ATP1A3: variants seen among roughly 807,000 people sequenced by gnomAD.
ATP1A3 encodes ATPase Na+/K+ transporting subunit alpha 3, also known as sodium/potassium-transporting ATPase subunit alpha-3.
Under a neutral mutation model 108.8 loss-of-function variants are expected in ATP1A3, and 12 were observed. The ratio of observed to expected loss-of-function variants is 0.11; its 90% CI spans 0.07 to 0.18. The LOEUF is 0.18. ATP1A3 is among the 10% of genes least tolerant of loss of function. The pLI is 1.00. For synonymous variants in ATP1A3, 539 were observed against 564.5 expected (o/e 0.95, Z 0.64); for missense variants, 498 against 1,387.7 (o/e 0.36, Z 10.19).
chr19:41,993,975 C>A, intron 1 of ATP1A3, 96 bp downstream of exon 1: 1 of 1,570,974 alleles, frequency 6.4e-7, no homozygotes, highest in Non-Finnish European at 8.6e-7. Flanking sequence ...GGCCCCGGAG[C>A]GCAGGGGTCC....
At chr19:41,986,746 T>C in intron 4 of ATP1A3, 2 of 165,790 alleles carry the variant, frequency 1.2e-5, no homozygotes, top group Non-Finnish European at 2.6e-5. Flanking sequence ...GGCATTTTTT[T>C]TTTTTTTTTT....
Position 41,969,431 on chromosome 19 carries a change from T to C in ATP1A3, c.2688+4A>G, listed in dbSNP as rs1052154343. On this transcript the variant is annotated splice_donor_region_variant and intron_variant, in intron 19 of 22. Transcript: ENST00000648268. Reference sequence around the variant, plus strand: ...GCAGAGACACAGCACCCTGCCCTACTCACCCACTGCTGCCCGTAACTGTCT... The same window carrying C: ...GCAGAGACACAGCACCCTGCCCTACCCACCCACTGCTGCCCGTAACTGTCT... The C allele has an allele frequency of 1.5e-5, 25 of 1,614,042 alleles. No individual in the cohort carries two copies. The highest frequency in any genetic ancestry group is 2.1e-5 in the Non-Finnish European group (25 of 1,179,976).
In ATP1A3 at chr19:41,966,640, G is replaced by C. The variant is rs1555858562; in HGVS notation, c.*297C>G. ...CCAGAACCAGAGATGGCATCAGCCG[G>C]GGGGCTGAAGGGGAGTAAAAAAGAG... On this transcript the variant is annotated 3_prime_UTR_variant, in exon 23 of 23. Coordinates refer to ENST00000648268, the MANE Select transcript of ATP1A3 (RefSeq NM_152296.5). The C allele has an allele frequency of 6.7e-7, 1 of 1,502,956 alleles. No individual in the cohort carries two copies. The highest frequency in any genetic ancestry group is 1.2e-5 in the South Asian group (1 of 82,748). 93.1% of individuals were successfully genotyped at this position (1,502,956 alleles called of 1,614,324 possible). A position where few individuals can be genotyped will look rare whatever the true frequency, so the allele number is the denominator to read the frequency against.
chr19:41,992,185 G>A (rs1259331476), intron 1 of ATP1A3, among the ~76,000 whole-genome samples: 1 of 152,112 alleles, frequency 6.6e-6, no homozygotes, highest in Non-Finnish European at 1.5e-5. Flanking sequence ...TCTGAGGGAG[G>A]AGGGACCGGG....
At position 41,985,436 on chromosome 19, in the gene ATP1A3, G is replaced by T. The variant is rs369214321; in HGVS notation, c.607-13C>A. On this transcript the variant is annotated splice_polypyrimidine_tract_variant and intron_variant, in intron 6 of 22. Transcript: ENST00000648268. The surrounding 1 kb of genome is among the most constrained non-coding windows in gnomAD (Gnocchi z 8.2). ...AGGAGTTGTCCACCTGGGGGTAGGT[G>T]CAGCAGAGAGAGGGTTCAGTCCAGG... 19 of 1,609,368 alleles carry T rather than the reference G, an allele frequency of 1.2e-5. No individual in the cohort carries two copies. The highest frequency in any genetic ancestry group is 1.4e-5 in the Non-Finnish European group (17 of 1,175,756).
chr19:41,968,734 A>T lies in ATP1A3; in HGVS notation c.2819+51T>A, dbSNP rs782455381. 6 of 1,611,362 alleles carry T rather than the reference A, an allele frequency of 3.7e-6. No individual in the cohort carries two copies. The African/African-American group carries it at 8.0e-5, about 22-fold the overall frequency. ...AGAGGAAGTACACAGACAGACAGAC[A>T]CTCGGACAGGACAGATGGCTGTCCA... On this transcript the variant is annotated intron_variant, in intron 20 of 22. Coordinates refer to ENST00000648268, the MANE Select transcript of ATP1A3 (RefSeq NM_152296.5). The surrounding 1 kb of genome is among the most constrained non-coding windows in gnomAD (Gnocchi z 5.0).
chr19:41,973,949 C>T (rs781992279), intron 16 of ATP1A3, among the ~76,000 whole-genome samples: 4 of 151,950 alleles, frequency 2.6e-5, no homozygotes, highest in Non-Finnish European at 5.9e-5. Context: ...TTGAAGACCT[C>T]GCTGGGCGAG....
Position 41,982,050 on chromosome 19 carries a change from G to A in ATP1A3, c.1050C>T (p.Asn350=), listed in dbSNP as rs2075237945. The stretch of plus-strand genomic sequence containing the variant: ...AGCCCAGGGTTTCTACAGCCTCCAG[G>A]TTCTTCACCAGGCAGTTCTTCCGGG... The part of the protein sequence containing the change: ...RMARKNCLVK[N]LEAVETLGST... The change falls in exon 9 of 23, where the codon AAC becomes AAT. Residue 350 remains asparagine, a synonymous_variant. Coordinates refer to ENST00000648268, the MANE Select transcript of ATP1A3 (RefSeq NM_152296.5). The A allele has an allele frequency of 1.9e-6, 3 of 1,614,178 alleles. No individual in the cohort carries two copies. The highest frequency in any genetic ancestry group is 1.6e-4 in the Middle Eastern group (1 of 6,062).
chr19:41,981,029 G>A lies in ATP1A3; in HGVS notation c.1437+473C>T, dbSNP rs1289530307. ...TTTTTTTTTTTTGAGTCAGGGTCTT[G>A]CTCTGTCACCCAGGCTGGAGTACAG... On this transcript the variant is annotated intron_variant, in intron 11 of 22. Coordinates refer to ENST00000648268, the MANE Select transcript of ATP1A3 (RefSeq NM_152296.5). The surrounding 1 kb of genome is among the most constrained non-coding windows in gnomAD (Gnocchi z 5.0). Among the ~76,000 whole-genome samples, 1 of 145,314 alleles carries A rather than the reference G, an allele frequency of 6.9e-6. No homozygotes were observed. Among genetic ancestry groups the A allele is most frequent in the African/African-American group, 2.6e-5 (1 of 39,074 alleles).
In ATP1A3 at chr19:41,984,898, A is replaced by G; in HGVS notation, c.993+20T>C. ...AGACCCCCAGGCCCTCCCCACCCAGACCCAGGAGCCTGGCCTTACAGTGAC... is the reference window on the plus strand; with the variant it reads ...AGACCCCCAGGCCCTCCCCACCCAGGCCCAGGAGCCTGGCCTTACAGTGAC... On this transcript the variant is annotated intron_variant, in intron 8 of 22. Coordinates refer to ENST00000648268, the MANE Select transcript of ATP1A3 (RefSeq NM_152296.5). 6.2e-7 allele frequency: 1 copy of G among 1,606,472 alleles called. No homozygotes were observed. The highest frequency in any genetic ancestry group is 8.5e-7 in the Non-Finnish European group (1 of 1,176,508).
intron 8 of ATP1A3, 112 bp from the exon 9 acceptor site, chr19:41,982,218 C>T (rs949349895): frequency 7.0e-6 from 11 of 1,578,300 alleles, no homozygotes; most frequent in Middle Eastern, 4.5e-4. Context: ...ATCCTGAGGG[C>T]CTGGAAAAGA....
At chr19:41,972,825 G>A (rs1264492611) in intron 16 of ATP1A3, among the ~76,000 whole-genome samples, 3 of 135,272 alleles carry the variant, frequency 2.2e-5, no homozygotes, top group African/African-American at 8.8e-5. Flanking sequence ...AAGGAAGGAA[G>A]GAAGGAAGGA....
Position 41,969,543 on chromosome 19 carries a change from A to G in ATP1A3, c.2580T>C (p.Phe860=). The G allele has an allele frequency of 6.2e-7, 1 of 1,612,930 alleles. No homozygotes were observed. Among genetic ancestry groups the G allele is most frequent in the Admixed American group, 1.7e-5 (1 of 59,946 alleles). The change falls in exon 19 of 23, where the codon TTT becomes TTC. Residue 860 remains phenylalanine (F), a synonymous_variant. Coordinates refer to ENST00000648268, the MANE Select transcript of ATP1A3 (RefSeq NM_152296.5). ...IQALGGFFSY[F]VILAENGFLP... Reference sequence around the variant, plus strand: ...AGAAGCCATTTTCTGCCAGGATCACAAAGTAAGAGAAGAAGCCACCGAGAG... The same window carrying G: ...AGAAGCCATTTTCTGCCAGGATCACGAAGTAAGAGAAGAAGCCACCGAGAG...
In ATP1A3 at chr19:41,968,723, G is replaced by C; in HGVS notation, c.2819+62C>G. ...GCAAGGACACAAGAGGAAGTACACA[G>C]ACAGACAGACACTCGGACAGGACAG... is the stretch of plus-strand genomic sequence containing the variant. On this transcript the variant is annotated intron_variant, in intron 20 of 22. Coordinates refer to ENST00000648268, the MANE Select transcript of ATP1A3 (RefSeq NM_152296.5). The surrounding 1 kb of genome is among the most constrained non-coding windows in gnomAD (Gnocchi z 5.0). 6.2e-7 allele frequency: 1 copy of C among 1,606,496 alleles called. No homozygotes were observed. Among genetic ancestry groups the C allele is most frequent in the South Asian group, 1.1e-5 (1 of 90,894 alleles).
Position 41,994,185 on chromosome 19 carries a change from T to C in ATP1A3, c.-109A>G, listed in dbSNP as rs2075366071. 1 of 1,094,232 alleles carries C rather than the reference T, an allele frequency of 9.1e-7. No individual in the cohort carries two copies. The allele number at this position is 1,094,232 out of a possible 1,614,324, so 67.8% of individuals were successfully genotyped here. A position where few individuals can be genotyped will look rare whatever the true frequency, so the allele number is the denominator to read the frequency against. ...TCTGCAGCGCCCGCGCCTCGGTAGG[T>C]GCGCGCGTCCGTCCGTCCGTCCGTT... is the stretch of plus-strand genomic sequence containing the variant. On this transcript the variant is annotated 5_prime_UTR_variant, in exon 1 of 23. Transcript: ENST00000648268.
chr19:41,993,362 A>G, intron 1 of ATP1A3: 1 of 1,534,270 alleles, frequency 6.5e-7, no homozygotes, highest in Non-Finnish European at 8.7e-7. Context: ...TTGCACACGC[A>G]CACCCTCAGC....
At position 41,970,675 on chromosome 19, in the gene ATP1A3, A is replaced by T. The variant is rs530061349; in HGVS notation, c.2264-133T>A. 1.2e-4 allele frequency: 131 copies of T among 1,082,028 alleles called. No homozygotes were observed. In the African/African-American group the frequency reaches 2.4e-3, roughly 20 times the overall value. The allele number at this position is 1,082,028 out of a possible 1,614,324, so 67.0% of individuals were successfully genotyped here. A position where few individuals can be genotyped will look rare whatever the true frequency, so the allele number is the denominator to read the frequency against. Reference sequence around the variant, plus strand: ...GAGACAGAGTCTCGCTGTGTTGCCCAGGCTGGAGTGCAGTGGTGCGATCTC... The same window carrying T: ...GAGACAGAGTCTCGCTGTGTTGCCCTGGCTGGAGTGCAGTGGTGCGATCTC... On this transcript the variant is annotated intron_variant, in intron 16 of 22. Transcript: ENST00000648268.
chr19:41,978,357 G>T lies in ATP1A3; in HGVS notation c.1631-31C>A, dbSNP rs2075194429. On this transcript the variant is annotated intron_variant, in intron 12 of 22. Coordinates refer to ENST00000648268, the MANE Select transcript of ATP1A3 (RefSeq NM_152296.5). This position sits in a 1 kb window ranked among gnomAD's most constrained non-coding sequence, Gnocchi z 8.3. ...GGCAGGGAAGGGTTGGGGTGTGAGG[G>T]TCCCAGCCTCGGAACCTCCGCCCCA... 6.4e-7 allele frequency: 1 copy of T among 1,574,270 alleles called. No individual in the cohort carries two copies. The highest frequency in any genetic ancestry group is 8.6e-7 in the Non-Finnish European group (1 of 1,159,830).
chr19:41,970,065 T>C, intron 18 of ATP1A3, 120 bp downstream of exon 18: 2 of 1,525,246 alleles, frequency 1.3e-6, no homozygotes, highest in Non-Finnish European at 1.8e-6. Flanking sequence ...GCTCACTGGT[T>C]GGTCCTGCCC....
Sources: allele counts gnomAD v4.1 joint callset (sites outside exome capture counted in the v4.1 genomes callset), GRCh38; gene constraint gnomAD v4.1.1; non-coding constraint Gnocchi (gnomAD v3.1); transcripts MANE v1.5; gene names NCBI Gene and HGNC (gene_info 2026-07-23, HGNC 2026-07-21).